The following POLR2B variants were observed in gnomAD, a reference collection of about 807,000 sequenced individuals.
The protein encoded by POLR2B is RNA polymerase II subunit B, also known as DNA-directed RNA polymerase II subunit RPB2.
In POLR2B, 57 loss-of-function variants were observed where a neutral mutation model predicts 144.6. The ratio of observed to expected loss-of-function variants is 0.39; its 90% confidence interval spans 0.32 to 0.49. The LOEUF is 0.49. Ranked by LOEUF, POLR2B falls within the 20% of genes least tolerant of loss-of-function variation. The pLI is 0.83. For missense variants in POLR2B, 595 were observed against 1,467.4 expected (o/e 0.41, Z 9.71); for synonymous variants, 442 against 469.8 (o/e 0.94, Z 0.77).
intron 23 of POLR2B, among the ~76,000 whole-genome samples, chr4:57,026,481 A>G (rs1723724545): frequency 1.3e-5 from 2 of 152,166 alleles, no homozygotes; most frequent in South Asian, 4.1e-4. Flanking sequence ...GATCCCGGGA[A>G]CCCAAAATGC....
intron 6 of POLR2B, among the ~76,000 whole-genome samples, chr4:56,995,931 CT>C (rs1722663374): frequency 6.6e-6 from 1 of 152,138 alleles, no homozygotes. Context: ...TAGCAACATC[CT>C]GTCATTTTTG....
At chr4:57,024,172 A>C (rs1197491727) in intron 21 of POLR2B, 60 bp downstream of exon 21, 2 of 876,278 alleles carry the variant, frequency 2.3e-6, no homozygotes, top group Non-Finnish European at 3.7e-6. Flanking sequence ...AAACTCTGAT[A>C]GGTGATTGCT....
At chr4:56,989,118 A>G (rs1416709748) in intron 2 of POLR2B, among the ~76,000 whole-genome samples, 1 of 152,212 alleles carries the variant, frequency 6.6e-6, no homozygotes, top group East Asian at 1.9e-4. Flanking sequence ...CTTCAGGTAA[A>G]ATAAACAGAG....
intron 1 of POLR2B, among the ~76,000 whole-genome samples, chr4:56,982,136 G>C (rs182275115): frequency 6.6e-6 from 1 of 152,116 alleles, no homozygotes; most frequent in African/African-American, 2.4e-5. Flanking sequence ...TTAAAATCTG[G>C]GGTATCTAAC....
rs1383633312 is a variant in POLR2B at position 57,005,685 on chromosome 4, C to G, written c.1183C>G (p.Leu395Val). The change falls in exon 9 of 25, where the codon CTT becomes GTT. Residue 395 changes from leucine (L) to valine (V), a missense_variant. Physicochemically the swap from Leu to Val is conservative, Grantham distance 32 (BLOSUM62 1). Coordinates refer to ENST00000314595, the MANE Select transcript of POLR2B (RefSeq NM_000938.3). Reference protein sequence around the residue: ...RDHYGNKRLDLAGPLLAFLFR... With the variant: ...RDHYGNKRLDVAGPLLAFLFR... ...TCACTATGGAAACAAGAGATTGGATCTTGCTGGGCCGCTGCTTGCATTCTT... is the reference window on the plus strand; with the variant it reads ...TCACTATGGAAACAAGAGATTGGATGTTGCTGGGCCGCTGCTTGCATTCTT... The G allele has an allele frequency of 6.2e-7, 1 of 1,612,378 alleles. No individual in the cohort carries two copies. Among genetic ancestry groups the G allele is most frequent in the East Asian group, 2.2e-5 (1 of 44,794 alleles).
In POLR2B at chr4:56,992,511, G is replaced by GTAT. The variant is rs201941373; in HGVS notation, c.243+1615_243+1617dup. On this transcript the variant is annotated intron_variant, in intron 3 of 24. Transcript: ENST00000314595. Reference sequence around the variant, plus strand: ...AAAAAAAGAAAAGAAAATACTTGGTGTATTTAGGCTGGGGACCACAATGAT... The same window carrying GTAT: ...AAAAAAAGAAAAGAAAATACTTGGTGTATTATTTAGGCTGGGGACCACAATGAT... Among the ~76,000 whole-genome samples, 1,560 of 137,582 alleles carry GTAT rather than the reference G, an allele frequency of 0.011. 132 individuals are homozygous for GTAT. In the East Asian group the frequency reaches 0.13, roughly 11 times the overall value. 90.3% of individuals were successfully genotyped at this position (137,582 alleles called of 152,430 possible).
chr4:57,011,855 G>A (rs1047009021), intron 13 of POLR2B, among the ~76,000 whole-genome samples: 1 of 152,006 alleles, frequency 6.6e-6, no homozygotes, highest in Non-Finnish European at 1.5e-5. Flanking sequence ...TTAATCTTTC[G>A]ATGCATGCTT....
At chr4:56,996,950 T>C (rs571042080) in intron 6 of POLR2B, among the ~76,000 whole-genome samples, 1 of 151,916 alleles carries the variant, frequency 6.6e-6, no homozygotes, top group African/African-American at 2.4e-5. Flanking sequence ...AACCCAAAAA[T>C]TAGCTGGATG....
intron 13 of POLR2B, among the ~76,000 whole-genome samples, chr4:57,011,563 G>A (rs945360279): frequency 2.6e-5 from 4 of 152,080 alleles, no homozygotes; most frequent in Admixed American, 1.3e-4. Flanking sequence ...GGTGGCTCAC[G>A]CCTGTAATCC....
At chr4:56,979,108 ACAGTCCC>A in intron 1 of POLR2B, 104 bp downstream of exon 1, 1 of 1,189,738 alleles carries the variant, frequency 8.4e-7, no homozygotes, top group Non-Finnish European at 1.3e-6. Flanking sequence ...CGCCGGCTGC[ACAGTCCC>A]CAGCCTTGTT....
At chr4:56,992,706 C>T (rs1722559246) in intron 3 of POLR2B, among the ~76,000 whole-genome samples, 2 of 150,776 alleles carry the variant, frequency 1.3e-5, no homozygotes, top group African/African-American at 2.4e-5. Flanking sequence ...ACTACAGGCG[C>T]CTGCCACCAC....
chr4:57,012,274 A>C (rs1723211982), intron 13 of POLR2B, among the ~76,000 whole-genome samples: 1 of 152,080 alleles, frequency 6.6e-6, no homozygotes, highest in Non-Finnish European at 1.5e-5. Context: ...GCATGGTAGC[A>C]TGTGCCTGTA....
chr4:57,010,320 CA>C (rs752205485), intron 10 of POLR2B, 40 bp from the exon 11 acceptor site: 2 of 1,593,458 alleles, frequency 1.3e-6, no homozygotes, highest in East Asian at 4.5e-5. Context: ...GTATGAATCA[CA>C]GAAATGTCCA....
intron 17 of POLR2B, 151 bp from the exon 18 acceptor site, chr4:57,022,001 T>A: frequency 1.7e-6 from 1 of 595,744 alleles, no homozygotes; most frequent in Non-Finnish European, 3.0e-6. Context: ...ACATTTAGAG[T>A]TTAACTCAGA....
At chr4:57,021,984 T>C (rs1723567690) in intron 17 of POLR2B, among the ~76,000 whole-genome samples, 168 bp from the exon 18 acceptor site, 1 of 152,228 alleles carries the variant, frequency 6.6e-6, no homozygotes, top group Admixed American at 6.5e-5. Context: ...GTATAACTCA[T>C]GTGATAACAT....
At chr4:57,025,169 T>C (rs545982955) in intron 22 of POLR2B, among the ~76,000 whole-genome samples, 170 bp downstream of exon 22, 1 of 152,288 alleles carries the variant, frequency 6.6e-6, no homozygotes, top group East Asian at 1.9e-4. Flanking sequence ...AACACCAAGA[T>C]CTAAAAATGT....
At chr4:56,981,706 C>A (rs1232739454) in intron 1 of POLR2B, among the ~76,000 whole-genome samples, 1 of 152,192 alleles carries the variant, frequency 6.6e-6, no homozygotes, top group African/African-American at 2.4e-5. Context: ...AAATTCTTTT[C>A]ATTGTTACCT....
intron 24 of POLR2B, 142 bp from the exon 25 acceptor site, chr4:57,030,757 A>T (rs901049556): frequency 1.6e-6 from 1 of 610,352 alleles, no homozygotes; most frequent in African/African-American, 1.8e-5. Flanking sequence ...AACCACCATA[A>T]GCTGAGGTAG....
chr4:57,010,675 G>A, intron 11 of POLR2B, 73 bp from the exon 12 acceptor site: 1 of 1,426,660 alleles, frequency 7.0e-7, no homozygotes, highest in Non-Finnish European at 9.5e-7. Context: ...CACATTGAAG[G>A]AAAAATGTTT....
Sources: allele counts gnomAD v4.1 joint callset (sites outside exome capture counted in the v4.1 genomes callset), GRCh38; gene constraint gnomAD v4.1.1; transcripts MANE v1.5; gene names NCBI Gene and HGNC (gene_info 2026-07-23, HGNC 2026-07-21).